The following CDH19 variants were observed in gnomAD, a reference collection of about 807,000 sequenced individuals.
CDH19 encodes the protein cadherin-19.
A neutral mutation model predicts 64.2 loss-of-function variants in CDH19; 67 were observed. The observed-to-expected ratio is 1.04, with a 90% CI of 0.86 to 1.28. The LOEUF is 1.28. CDH19 is among the 50% of genes most tolerant of loss of function. The pLI is 0.00. For missense variants in CDH19, 1,030 were observed against 929.0 expected (o/e 1.11, Z -1.41); for synonymous variants, 346 against 319.3 (o/e 1.08, Z -0.89).
rs1988882744 is a variant in CDH19, at chr18:66,596,165, TATA to T, written c.-113+7786_-113+7788del. On this transcript the variant is annotated intron_variant, in intron 1 of 11. Coordinates refer to ENST00000262150, the MANE Select transcript of CDH19 (RefSeq NM_021153.4). Reference sequence around the variant, plus strand: ...AGGCATAAAAGGGACATACCTGAAATATAATAAGAGCCATCTATGACAAATTCA... The same window carrying T: ...AGGCATAAAAGGGACATACCTGAAATATAAGAGCCATCTATGACAAATTCA... The T allele has an allele frequency of 3.9e-5, 6 of 152,042 alleles. No individual in the cohort carries two copies. The South Asian group carries it at 1.2e-3, about 32-fold the overall frequency. 9.4% of individuals were successfully genotyped at this position (152,042 alleles called of 1,614,324 possible).
chr18:66,591,734 A>C (rs140348688), intron 1 of CDH19, among the ~76,000 whole-genome samples: 5 of 151,984 alleles, frequency 3.3e-5, no homozygotes, highest in Admixed American at 6.6e-5. Context: ...TATTTACTTT[A>C]ATGGAAAAAA....
At chr18:66,543,511 C>T (rs2960615) in intron 7 of CDH19, among the ~76,000 whole-genome samples, 95,109 of 152,008 alleles carry the variant, frequency 0.63, 30,897 homozygotes, top group African/African-American at 0.79. Context: ...TTAACCGACA[C>T]TGAGGTTCCC....
intron 9 of CDH19, among the ~76,000 whole-genome samples, chr18:66,520,099 C>T (rs1411825847): frequency 3.9e-5 from 6 of 151,990 alleles, no homozygotes; most frequent in African/African-American, 1.4e-4. Flanking sequence ...GCAGGAGAAT[C>T]GCTTGAACTC....
At chr18:66,585,565 G>A (rs1281690152) in intron 1 of CDH19, among the ~76,000 whole-genome samples, 1 of 152,004 alleles carries the variant, frequency 6.6e-6, no homozygotes, top group Non-Finnish European at 1.5e-5. Flanking sequence ...CCAAAATACT[G>A]TCCGGCACGT....
chr18:66,564,617 T>A (rs1987838735), intron 3 of CDH19, among the ~76,000 whole-genome samples: 1 of 151,962 alleles, frequency 6.6e-6, no homozygotes, highest in South Asian at 2.1e-4. Flanking sequence ...AGTCAGATTT[T>A]AAATTTTCCT....
At chr18:66,584,210 A>G (rs1375759880) in intron 1 of CDH19, among the ~76,000 whole-genome samples, 1 of 152,088 alleles carries the variant, frequency 6.6e-6, no homozygotes, top group Admixed American at 6.6e-5. Flanking sequence ...CACTTTTCTA[A>G]AGAAGACATA....
At chr18:66,537,133 A>G (rs1415627824) in intron 7 of CDH19, among the ~76,000 whole-genome samples, 1 of 151,996 alleles carries the variant, frequency 6.6e-6, no homozygotes, top group Non-Finnish European at 1.5e-5. Flanking sequence ...AATTTAATTA[A>G]TCAAACTACA....
chr18:66,505,073 C>G lies in CDH19; in HGVS notation c.2058G>C (p.Leu686Phe). 1 of 1,613,720 alleles carries G rather than the reference C, an allele frequency of 6.2e-7. No individual in the cohort carries two copies. Among genetic ancestry groups the G allele is most frequent in the Non-Finnish European group, 8.5e-7 (1 of 1,179,780 alleles). ...AEIRSLYRQS[L>F]QVGPDSAIFR... ...ATATGGCACTGTCGGGGCCAACTTG[C>G]AAAGACTGCCTGTATAGGCTCCTGA... The change falls in exon 12 of 12, where the codon TTG (leucine) becomes TTC (phenylalanine). Residue 686 changes from leucine (L) to phenylalanine (F), a missense_variant. Leu to Phe is a conservative substitution (Grantham distance 22). Coordinates refer to ENST00000262150, the MANE Select transcript of CDH19 (RefSeq NM_021153.4).
intron 1 of CDH19, among the ~76,000 whole-genome samples, chr18:66,575,726 A>G (rs1024470338): frequency 2.6e-5 from 4 of 151,906 alleles, no homozygotes; most frequent in Non-Finnish European, 4.4e-5. Context: ...TCAAGAAGAA[A>G]TAAAATAATA....
chr18:66,544,738 C>T lies in CDH19; in HGVS notation c.941G>A (p.Gly314Glu), dbSNP rs762319450. The T allele has an allele frequency of 6.2e-7, 1 of 1,605,874 alleles. No individual in the cohort carries two copies. The highest frequency in any genetic ancestry group is 8.5e-7 in the Non-Finnish European group (1 of 1,175,168). Residue 314 changes from glycine to glutamate, a missense_variant, in exon 6 of 12, where the codon GGA becomes GAA. Physicochemically the swap from Gly to Glu is moderately conservative, Grantham distance 98 (BLOSUM62 -2). Transcript: ENST00000262150. Reference protein sequence around the residue: ...DIITNHETQEGIVILKKKVDF... With the variant: ...DIITNHETQEEIVILKKKVDF... ...GTCTACCTTTTTTAATATAACTATT[C>T]CTTCTTGAGTTTCATGATTAGTAAT...
intron 9 of CDH19, among the ~76,000 whole-genome samples, chr18:66,528,295 G>A (rs1040151141): frequency 2.0e-5 from 3 of 152,078 alleles, no homozygotes; most frequent in Non-Finnish European, 2.9e-5. Flanking sequence ...AAATGTCTAA[G>A]CTGAATTTCT....
intron 1 of CDH19, among the ~76,000 whole-genome samples, chr18:66,599,404 G>C (rs1238023255): frequency 6.6e-6 from 1 of 152,058 alleles, no homozygotes; most frequent in Admixed American, 6.6e-5. Flanking sequence ...GAGGCTGGTG[G>C]GGTGGGGCAG....
chr18:66,597,706 C>T (rs140849582), intron 1 of CDH19, among the ~76,000 whole-genome samples: 5 of 152,160 alleles, frequency 3.3e-5, no homozygotes, highest in African/African-American at 9.6e-5. Flanking sequence ...ATTCATCCGA[C>T]AAATCCAGAA....
At chr18:66,530,003 T>A (rs770249011) in intron 8 of CDH19, 37 bp from the exon 9 acceptor site, 1 of 1,065,824 alleles carries the variant, frequency 9.4e-7, no homozygotes, top group Admixed American at 2.5e-5. Context: ...ATCTAACATA[T>A]TTTAATATGT....
At chr18:66,587,768 T>C (rs1270376276) in intron 1 of CDH19, among the ~76,000 whole-genome samples, 1 of 152,100 alleles carries the variant, frequency 6.6e-6, no homozygotes, top group East Asian at 1.9e-4. Context: ...CTTCCCCCAC[T>C]AACTTCCACC....
intron 9 of CDH19, among the ~76,000 whole-genome samples, chr18:66,523,185 T>A (rs1986068123): frequency 6.6e-6 from 1 of 152,086 alleles, no homozygotes; most frequent in African/African-American, 2.4e-5. Flanking sequence ...TGATTCCATA[T>A]CTAGGACAGG....
chr18:66,598,221 C>T (rs1232000696), intron 1 of CDH19, among the ~76,000 whole-genome samples: 5 of 152,088 alleles, frequency 3.3e-5, no homozygotes, highest in Admixed American at 6.5e-5. Flanking sequence ...AGTTCAGCCA[C>T]TATGAAAAGC....
chr18:66,537,315 T>C (rs1351573907), intron 7 of CDH19, among the ~76,000 whole-genome samples: 1 of 152,006 alleles, frequency 6.6e-6, no homozygotes, highest in Non-Finnish European at 1.5e-5. Context: ...TCAATTATTT[T>C]AAAGAGCGTC....
intron 1 of CDH19, among the ~76,000 whole-genome samples, chr18:66,590,556 G>T (rs959967035): frequency 7.3e-5 from 11 of 151,034 alleles, no homozygotes; most frequent in Non-Finnish European, 1.6e-4. Context: ...GCATGTAGAA[G>T]TTGGTTAACA....
Sources: allele counts gnomAD v4.1 joint callset (sites outside exome capture counted in the v4.1 genomes callset), GRCh38; gene constraint gnomAD v4.1.1; transcripts MANE v1.5; gene names NCBI Gene and HGNC (gene_info 2026-07-23, HGNC 2026-07-21).